The following TRPM3 variants were observed in gnomAD, a reference collection of about 807,000 sequenced individuals.
TRPM3 encodes the protein long transient receptor potential channel 3.
A neutral mutation model predicts 181.2 loss-of-function variants in TRPM3; 77 were observed. That is an observed-to-expected ratio of 0.42 (90% CI 0.35 to 0.51). TRPM3 has a LOEUF of 0.51. Ranked by LOEUF, TRPM3 falls within the 20% of genes least tolerant of loss-of-function variation. TRPM3 has a pLI of 0.01. For missense variants in TRPM3, 1,759 were observed against 2,196.7 expected (o/e 0.80, Z 3.98); for synonymous variants, 745 against 796.4 (o/e 0.94, Z 1.09).
intron 1 of TRPM3, among the ~76,000 whole-genome samples, chr9:71,374,687 T>A (rs774699810): frequency 2.6e-5 from 4 of 152,146 alleles, no homozygotes; most frequent in Non-Finnish European, 4.4e-5. Context: ...TGATCCTATA[T>A]CTAGAAAACC....
At chr9:71,336,375 C>T (rs954149011) in intron 1 of TRPM3, among the ~76,000 whole-genome samples, 1 of 152,058 alleles carries the variant, frequency 6.6e-6, no homozygotes, top group East Asian at 1.9e-4. Flanking sequence ...GAATAAAATA[C>T]CTAGGAATCC....
intron 1 of TRPM3, among the ~76,000 whole-genome samples, chr9:71,260,670 G>C (rs2082983587): frequency 6.6e-6 from 1 of 152,096 alleles, no homozygotes; most frequent in Non-Finnish European, 1.5e-5. Flanking sequence ...CTCATTATTT[G>C]GCTCTCCGTT....
At chr9:71,435,090 G>A (rs895398773) in intron 1 of TRPM3, among the ~76,000 whole-genome samples, 4 of 152,032 alleles carry the variant, frequency 2.6e-5, no homozygotes, top group South Asian at 2.1e-4. Flanking sequence ...GTACAGCTTC[G>A]ATTTAATTAA....
At chr9:70,681,447 G>A (rs1275045239) in intron 9 of TRPM3, 59 bp downstream of exon 9, 1 of 1,387,316 alleles carries the variant, frequency 7.2e-7, no homozygotes, top group Admixed American at 1.7e-5. Context: ...GGAGACATAA[G>A]GTCACTGTAT....
At chr9:71,230,306 C>A (rs2080967339) in intron 1 of TRPM3, among the ~76,000 whole-genome samples, 1 of 150,956 alleles carries the variant, frequency 6.6e-6, no homozygotes, top group South Asian at 2.1e-4. Context: ...AGGATGATTA[C>A]CAGAGTCTGG....
chr9:70,928,843 T>A (rs190815380), intron 1 of TRPM3, among the ~76,000 whole-genome samples: 1 of 152,302 alleles, frequency 6.6e-6, no homozygotes, highest in East Asian at 1.9e-4. Flanking sequence ...TCTAGAAGGT[T>A]GTGCTGACAA....
intron 1 of TRPM3, among the ~76,000 whole-genome samples, chr9:70,922,342 A>G (rs1448073889): frequency 6.6e-6 from 1 of 152,180 alleles, no homozygotes; most frequent in Non-Finnish European, 1.5e-5. Context: ...TATGTCATTA[A>G]GGTTTGACTT....
At chr9:71,328,130 A>AC (rs528799083) in intron 1 of TRPM3, among the ~76,000 whole-genome samples, 9 of 151,192 alleles carry the variant, frequency 6.0e-5, no homozygotes, top group Non-Finnish European at 1.3e-4. Context: ...AGGGTCTCCA[A>AC]CCCCCTGTTT....
chr9:70,866,540 G>A (rs796770900), intron 1 of TRPM3, among the ~76,000 whole-genome samples: 5 of 152,094 alleles, frequency 3.3e-5, no homozygotes, highest in African/African-American at 9.6e-5. Context: ...TGATTTTGGG[G>A]GTACTATGCT....
rs139376217 is a variant in TRPM3, at chr9:70,841,690, A to C, written c.801+1313T>G. ...ACCATATATATGTATATATAGATAT[A>C]TCCCACCATATACATATATATCTCC... On this transcript the variant is annotated intron_variant, in intron 5 of 25. Transcript: ENST00000677713. 9.8e-3 allele frequency among the ~76,000 whole-genome samples: 1,414 copies of C among 143,906 alleles called. 22 individuals are homozygous for C. Among genetic ancestry groups the C allele is most frequent in the African/African-American group, 0.033 (1,287 of 38,772 alleles). 94.4% of individuals were successfully genotyped at this position (143,906 alleles called of 152,430 possible).
At chr9:71,237,001 C>T (rs1240804834) in intron 1 of TRPM3, among the ~76,000 whole-genome samples, 4 of 136,390 alleles carry the variant, frequency 2.9e-5, no homozygotes, top group Non-Finnish European at 6.1e-5. Context: ...GAGCCGAAAT[C>T]GCACCACTGT....
intron 1 of TRPM3, among the ~76,000 whole-genome samples, chr9:71,138,519 T>C (rs1203407424): frequency 6.6e-6 from 1 of 152,206 alleles, no homozygotes; most frequent in Non-Finnish European, 1.5e-5. Flanking sequence ...GAAATCAATC[T>C]TTTCTAAGCA....
At chr9:70,573,089 A>G (rs1489372653) in intron 22 of TRPM3, among the ~76,000 whole-genome samples, 1 of 152,182 alleles carries the variant, frequency 6.6e-6, no homozygotes, top group Admixed American at 6.5e-5. Context: ...ATAATTTATA[A>G]TAAAATAATT....
intron 1 of TRPM3, among the ~76,000 whole-genome samples, chr9:70,972,645 C>A (rs1435437862): frequency 6.6e-6 from 1 of 152,082 alleles, no homozygotes; most frequent in Non-Finnish European, 1.5e-5. Context: ...AAAAGTTCTT[C>A]TTTTACTTTA....
intron 1 of TRPM3, among the ~76,000 whole-genome samples, chr9:71,323,023 AG>A (rs1157992710): frequency 3.9e-5 from 6 of 152,164 alleles, no homozygotes; most frequent in African/African-American, 1.2e-4. Flanking sequence ...ATTTTAAAAA[AG>A]ATAATACATT....
intron 1 of TRPM3, among the ~76,000 whole-genome samples, chr9:71,043,614 A>G (rs1234095029): frequency 6.6e-6 from 1 of 152,176 alleles, no homozygotes; most frequent in Non-Finnish European, 1.5e-5. Context: ...TCCCACATCT[A>G]TTACAACCAC....
chr9:71,157,148 A>G (rs957124709), intron 1 of TRPM3, among the ~76,000 whole-genome samples: 6 of 152,180 alleles, frequency 3.9e-5, no homozygotes, highest in Non-Finnish European at 5.9e-5. Context: ...TTTTCCAAAC[A>G]TTAATAGAAA....
At chr9:71,381,963 C>G (rs931810772) in intron 1 of TRPM3, among the ~76,000 whole-genome samples, 1 of 152,212 alleles carries the variant, frequency 6.6e-6, no homozygotes, top group South Asian at 2.1e-4. Flanking sequence ...TGCTATCAAA[C>G]TTGGGAGAGG....
intron 1 of TRPM3, among the ~76,000 whole-genome samples, chr9:71,024,188 T>C (rs545177772): frequency 1.3e-5 from 2 of 152,106 alleles, no homozygotes; most frequent in Non-Finnish European, 2.9e-5. Flanking sequence ...AAAAAACATA[T>C]AAATAAAAAC....
Sources: gnomAD v4.1 joint callset for allele counts (sites outside exome capture counted in the v4.1 genomes callset) on GRCh38, gnomAD v4.1.1 for gene constraint, MANE v1.5 for transcripts, NCBI Gene and HGNC (gene_info 2026-07-23, HGNC 2026-07-21) for gene names.